EFCAB11: variants seen among roughly 807,000 people sequenced by gnomAD.
EFCAB11 encodes EF-hand calcium binding domain 11, also known as EF-hand calcium-binding domain-containing protein 11.
Under a neutral mutation model 23.0 loss-of-function variants are expected in EFCAB11, and 14 were observed. The observed-to-expected ratio is 0.61, with a 90% confidence interval of 0.40 to 0.95. EFCAB11 has a LOEUF of 0.95. Ranked by LOEUF, EFCAB11 falls within the 40% of genes least tolerant of loss-of-function variation. EFCAB11 has a pLI of 0.00. For synonymous variants in EFCAB11, 65 were observed against 66.6 expected (o/e 0.98, Z 0.11); for missense variants, 198 against 195.8 (o/e 1.01, Z -0.07).
intron 3 of EFCAB11, among the ~76,000 whole-genome samples, chr14:89,934,738 T>C (rs1463573947): frequency 6.6e-6 from 1 of 152,202 alleles, no homozygotes; most frequent in Non-Finnish European, 1.5e-5. Flanking sequence ...GACAAATTGT[T>C]AGCTGAGGTT....
chr14:89,946,333 G>C (rs1462896099), intron 3 of EFCAB11, among the ~76,000 whole-genome samples: 1 of 152,092 alleles, frequency 6.6e-6, no homozygotes, highest in Admixed American at 6.6e-5. Flanking sequence ...CTTTTGGTTA[G>C]TGTTCAGTAC....
At chr14:89,838,789 T>A (rs533242302) in intron 5 of EFCAB11, among the ~76,000 whole-genome samples, 134 of 152,360 alleles carry the variant, frequency 8.8e-4, no homozygotes, top group African/African-American at 3.1e-3. Flanking sequence ...TAATTTCTAC[T>A]ACCCAACATT....
intron 5 of EFCAB11, among the ~76,000 whole-genome samples, chr14:89,907,675 G>A (rs951147171): frequency 4.6e-5 from 7 of 152,136 alleles, no homozygotes; most frequent in African/African-American, 1.7e-4. Context: ...TAATAGATCT[G>A]ATTGATAAAG....
chr14:89,937,041 C>T (rs1189896879), intron 3 of EFCAB11, among the ~76,000 whole-genome samples: 1 of 152,182 alleles, frequency 6.6e-6, no homozygotes, highest in Non-Finnish European at 1.5e-5. Flanking sequence ...CATTTGTGCA[C>T]ACTGTTCCAC....
At chr14:89,836,467 T>C in intron 5 of EFCAB11, 1 of 435,772 alleles carries the variant, frequency 2.3e-6, no homozygotes, top group Admixed American at 2.5e-5. Context: ...AGTGGTTGTT[T>C]GAAGGGGATG....
chr14:89,917,053 CGTGTGTGTGTGTGTGTGT>C (rs71107570), intron 5 of EFCAB11, among the ~76,000 whole-genome samples: 43 of 136,626 alleles, frequency 3.1e-4, no homozygotes, highest in Admixed American at 2.3e-3. Flanking sequence ...TGACATGCTT[CGTGTGTGTGTGTGTGTGT>C]GTGTGTGTGT....
At chr14:89,905,313 T>C (rs763419520) in intron 5 of EFCAB11, among the ~76,000 whole-genome samples, 12 of 152,210 alleles carry the variant, frequency 7.9e-5, no homozygotes, top group Non-Finnish European at 1.6e-4. Context: ...TTGTACTTTC[T>C]AGGTATAGAA....
chr14:89,906,172 A>AAAATAAATAAATAAAT (rs59351985), intron 5 of EFCAB11, among the ~76,000 whole-genome samples: 2 of 145,134 alleles, frequency 1.4e-5, no homozygotes, highest in Admixed American at 6.9e-5. Context: ...TTAGAGCACT[A>AAAATAAATAAATAAAT]AAATAAATAA....
At chr14:89,924,233 C>G (rs914666133) in intron 5 of EFCAB11, 19 of 990,360 alleles carry the variant, frequency 1.9e-5, no homozygotes, top group Non-Finnish European at 2.3e-5. Flanking sequence ...TGTCCTTTGA[C>G]CTTCCCTTGT....
chr14:89,947,242 A>G (rs533077987), intron 3 of EFCAB11, among the ~76,000 whole-genome samples: 1 of 152,254 alleles, frequency 6.6e-6, no homozygotes, highest in African/African-American at 2.4e-5. Flanking sequence ...AAATTATTCA[A>G]AAAAAGGTAA....
At chr14:89,927,760 T>C (rs546964410) in intron 5 of EFCAB11, among the ~76,000 whole-genome samples, 36 of 152,206 alleles carry the variant, frequency 2.4e-4, no homozygotes, top group African/African-American at 8.7e-4. Context: ...TCGCTCTTGT[T>C]GCCCAGGCTG....
At chr14:89,899,742 G>C (rs1889284842) in intron 5 of EFCAB11, among the ~76,000 whole-genome samples, 1 of 152,168 alleles carries the variant, frequency 6.6e-6, no homozygotes, top group Non-Finnish European at 1.5e-5. Flanking sequence ...AACTTTGTAA[G>C]TAATGAGAAA....
chr14:89,856,778 GCTAT>G (rs1035295325), intron 5 of EFCAB11, among the ~76,000 whole-genome samples: 11 of 152,076 alleles, frequency 7.2e-5, no homozygotes, highest in African/African-American at 2.4e-4. Flanking sequence ...TTTAAATTGG[GCTAT>G]CTGTTTTTCT....
intron 5 of EFCAB11, among the ~76,000 whole-genome samples, chr14:89,889,778 T>A (rs939703532): frequency 7.2e-5 from 11 of 152,246 alleles, no homozygotes; most frequent in African/African-American, 2.7e-4. Flanking sequence ...TGAGCTTCCC[T>A]GGTTGGCACA....
intron 5 of EFCAB11, among the ~76,000 whole-genome samples, chr14:89,889,368 A>G (rs770094668): frequency 5.9e-5 from 9 of 152,312 alleles, no homozygotes; most frequent in Non-Finnish European, 1.2e-4. Flanking sequence ...ATATGAGACA[A>G]ATTTTTTAAC....
intron 5 of EFCAB11, among the ~76,000 whole-genome samples, chr14:89,880,344 C>T (rs909947666): frequency 6.6e-6 from 1 of 152,180 alleles, no homozygotes; most frequent in African/African-American, 2.4e-5. Context: ...TGATCTTGGA[C>T]TTCCCAGCCT....
intron 5 of EFCAB11, 90 bp downstream of exon 5, chr14:89,931,451 G>A: frequency 8.3e-7 from 1 of 1,200,036 alleles, no homozygotes; most frequent in Non-Finnish European, 1.2e-6. Flanking sequence ...TCAAAAATCA[G>A]AATAAATAAG....
chr14:89,810,312 C>T (rs770463226), intron 5 of EFCAB11, among the ~76,000 whole-genome samples: 12 of 152,182 alleles, frequency 7.9e-5, no homozygotes, highest in Non-Finnish European at 2.9e-5. Context: ...ACTTTTCCTT[C>T]CGTCAGCATA....
chr14:89,919,042 ACTTTG>A (rs1179074349), intron 5 of EFCAB11, among the ~76,000 whole-genome samples: 5 of 151,636 alleles, frequency 3.3e-5, no homozygotes, highest in Non-Finnish European at 7.4e-5. Context: ...TAGCCCAAAC[ACTTTG>A]GTCACATAGA....
Sources: gnomAD v4.1 joint callset for allele counts (sites outside exome capture counted in the v4.1 genomes callset) on GRCh38, gnomAD v4.1.1 for gene constraint, MANE v1.5 for transcripts, NCBI Gene and HGNC (gene_info 2026-07-23, HGNC 2026-07-21) for gene names.